KCNS3: variants seen among roughly 807,000 people sequenced by gnomAD.
The protein encoded by KCNS3 is delayed-rectifier potassium channel regulatory subunit KCNS3.
In KCNS3, 13 loss-of-function variants were observed where a neutral mutation model predicts 31.0. The ratio of observed to expected loss-of-function variants is 0.42; its 90% CI spans 0.27 to 0.67. The LOEUF is 0.67. Among genes scored for constraint, KCNS3 ranks in the 30% least tolerant of loss-of-function variants. The pLI is 0.25. For synonymous variants in KCNS3, 238 were observed against 241.5 expected (o/e 0.99, Z 0.13); for missense variants, 545 against 622.4 (o/e 0.88, Z 1.32).
At chr2:17,927,325 G>A (rs941981376) in intron 2 of KCNS3, among the ~76,000 whole-genome samples, 9 of 152,076 alleles carry the variant, frequency 5.9e-5, no homozygotes, top group African/African-American at 2.2e-4. Flanking sequence ...ACATCTTCCT[G>A]TCTTCTTTGG....
chr2:17,908,870 A>T (rs1017386680), intron 1 of KCNS3, among the ~76,000 whole-genome samples: 2 of 152,070 alleles, frequency 1.3e-5, no homozygotes, highest in African/African-American at 4.8e-5. Context: ...GTCTGCCCCT[A>T]CTGGGGGGTG....
intron 1 of KCNS3, among the ~76,000 whole-genome samples, chr2:17,904,004 C>G (rs1572488836): frequency 6.6e-6 from 1 of 152,078 alleles, no homozygotes; most frequent in Non-Finnish European, 1.5e-5. Context: ...AATGGTATTT[C>G]TAGTTCTAGA....
intron 1 of KCNS3, among the ~76,000 whole-genome samples, chr2:17,886,305 T>C (rs574681119): frequency 1.5e-4 from 23 of 152,354 alleles, no homozygotes; most frequent in Non-Finnish European, 2.8e-4. Flanking sequence ...TTACTTGAGA[T>C]AAAAATGTAA....
intron 1 of KCNS3, among the ~76,000 whole-genome samples, chr2:17,898,546 A>G (rs1438346240): frequency 6.6e-6 from 1 of 152,030 alleles, no homozygotes; most frequent in Non-Finnish European, 1.5e-5. Context: ...TGAAAAAATT[A>G]CATTTGTTTG....
At position 17,932,267 on chromosome 2, in the gene KCNS3, A is replaced by G; in HGVS notation, c.1259A>G (p.Asp420Gly). 1 of 1,613,946 alleles carries G rather than the reference A, an allele frequency of 6.2e-7. No homozygotes were observed. Among genetic ancestry groups the G allele is most frequent in the Non-Finnish European group, 8.5e-7 (1 of 1,179,846 alleles). ...SKYYQKQKDI[D>G]VDQCSEDAPE... ...TACTACCAGAAGCAAAAGGACATTG[A>G]TGTGGACCAGTGCAGTGAGGATGCA... Residue 420 changes from aspartate (D) to glycine (G), a missense_variant, in exon 3 of 3, where the codon GAT becomes GGT. Physicochemically the swap from Asp to Gly is moderately conservative, Grantham distance 94. Transcript: ENST00000304101.
At chr2:17,892,268 TC>T (rs1484512698) in intron 1 of KCNS3, among the ~76,000 whole-genome samples, 5 of 143,628 alleles carry the variant, frequency 3.5e-5, no homozygotes, top group African/African-American at 1.3e-4. Context: ...GTCTGAAGTT[TC>T]CTGAAATTTT....
chr2:17,930,407 A>G (rs1032083662), intron 2 of KCNS3, among the ~76,000 whole-genome samples: 2 of 152,182 alleles, frequency 1.3e-5, no homozygotes, highest in Admixed American at 1.3e-4. Flanking sequence ...AAGGAGTAAA[A>G]CATTGGTACG....
intron 1 of KCNS3, among the ~76,000 whole-genome samples, chr2:17,892,904 G>A (rs1661893692): frequency 6.6e-6 from 1 of 152,200 alleles, no homozygotes; most frequent in Admixed American, 6.5e-5. Context: ...TTTTTTTACT[G>A]GTTGGCCGCC....
intron 2 of KCNS3, among the ~76,000 whole-genome samples, chr2:17,922,778 TA>T (rs1662747171): frequency 6.6e-6 from 1 of 152,186 alleles, no homozygotes; most frequent in Admixed American, 6.5e-5. Context: ...TGTCTTTTTT[TA>T]AGTAGACCTT....
chr2:17,906,634 G>A (rs1662323880), intron 1 of KCNS3, among the ~76,000 whole-genome samples: 1 of 152,162 alleles, frequency 6.6e-6, no homozygotes, highest in African/African-American at 2.4e-5. Flanking sequence ...TGCTTTAAAT[G>A]TCCCAGAGAT....
rs61498649 is a variant in KCNS3 at position 17,902,334 on chromosome 2, C to CTGTG, written c.-251-15308_-251-15305dup. ...CAGAGAGGAATTTGAGGTTGGGAGA[C>CTGTG]TGTGTGTGTGTGTGTGTGTGTGTGT... On this transcript the variant is annotated intron_variant, in intron 1 of 2. Coordinates refer to ENST00000304101, the MANE Select transcript of KCNS3 (RefSeq NM_002252.5). Among the ~76,000 whole-genome samples the CTGTG allele has an allele frequency of 8.1e-3, 1,217 of 149,714 alleles. 24 individuals are homozygous for CTGTG. Among genetic ancestry groups the CTGTG allele is most frequent in the African/African-American group, 0.028 (1,136 of 40,726 alleles).
intron 1 of KCNS3, among the ~76,000 whole-genome samples, chr2:17,889,934 C>A (rs900729246): frequency 2.0e-5 from 3 of 152,100 alleles, no homozygotes; most frequent in African/African-American, 7.2e-5. Flanking sequence ...GTGATCCTTG[C>A]TTCATAGAAT....
chr2:17,882,743 T>C (rs1674670064), intron 1 of KCNS3, among the ~76,000 whole-genome samples: 1 of 152,224 alleles, frequency 6.6e-6, no homozygotes. Flanking sequence ...ATCATGAACA[T>C]AATAACAAGG....
At chr2:17,922,914 T>G (rs952262355) in intron 2 of KCNS3, among the ~76,000 whole-genome samples, 4 of 152,200 alleles carry the variant, frequency 2.6e-5, no homozygotes, top group Admixed American at 6.5e-5. Context: ...GAACATTACA[T>G]ACAGTTTTTG....
Position 17,881,603 on chromosome 2 carries a change from G to A in KCNS3, c.-252+2797G>A, listed in dbSNP as rs942365286. On this transcript the variant is annotated intron_variant, in intron 1 of 2. Coordinates refer to ENST00000304101, the MANE Select transcript of KCNS3 (RefSeq NM_002252.5). ...TCTATTATCACCGTATTTTACAGGA[G>A]GAAAGAGAGACAAACTGAGTAACTT... Among the ~76,000 whole-genome samples the A allele has an allele frequency of 2.0e-5, 3 of 152,222 alleles. No individual in the cohort carries two copies. In the South Asian group the frequency reaches 6.2e-4, roughly 32 times the overall value.
chr2:17,909,105 C>G (rs1292888563), intron 1 of KCNS3, among the ~76,000 whole-genome samples: 1 of 152,214 alleles, frequency 6.6e-6, no homozygotes, highest in African/African-American at 2.4e-5. Context: ...GTGGGCTCCA[C>G]CCAGTTCGAG....
rs1266864965 is a variant in KCNS3, at chr2:17,878,698, T to TCGC, written c.-353_-351dup. 1 of 149,254 alleles carries TCGC rather than the reference T, an allele frequency of 6.7e-6. No homozygotes were observed. The highest frequency in any genetic ancestry group is 1.5e-5 in the Non-Finnish European group (1 of 67,074). 9.2% of individuals were successfully genotyped at this position (149,254 alleles called of 1,614,324 possible). A position where few individuals can be genotyped will look rare whatever the true frequency, so the allele number is the denominator to read the frequency against. On this transcript the variant is annotated 5_prime_UTR_variant, in exon 1 of 3. Coordinates refer to ENST00000304101, the MANE Select transcript of KCNS3 (RefSeq NM_002252.5). ...GCCGACGCGGGCCACCCCGCTCTCCTCGCCGCCGCGGCGGCAGGCGCGGGG... is the reference window on the plus strand; with the variant it reads ...GCCGACGCGGGCCACCCCGCTCTCCTCGCCGCCGCCGCGGCGGCAGGCGCGGGG...
intron 1 of KCNS3, among the ~76,000 whole-genome samples, chr2:17,882,864 A>T (rs1294315466): frequency 2.6e-5 from 4 of 152,056 alleles, no homozygotes; most frequent in Non-Finnish European, 5.9e-5. Context: ...TGCACATTAT[A>T]CTTTTTTTTC....
At chr2:17,888,647 A>ATC (rs1661760182) in intron 1 of KCNS3, among the ~76,000 whole-genome samples, 1 of 130,678 alleles carries the variant, frequency 7.7e-6, no homozygotes, top group Non-Finnish European at 1.7e-5. Flanking sequence ...ATATATATAT[A>ATC]TATATATATA....
Sources: allele counts gnomAD v4.1 joint callset (sites outside exome capture counted in the v4.1 genomes callset), GRCh38; gene constraint gnomAD v4.1.1; transcripts MANE v1.5; gene names NCBI Gene and HGNC (gene_info 2026-07-23, HGNC 2026-07-21).